The following FAM53A variants were observed in gnomAD, a reference collection of about 807,000 sequenced individuals.
The protein encoded by FAM53A is protein FAM53A.
A neutral mutation model predicts 26.6 loss-of-function variants in FAM53A; 28 were observed. The ratio of observed to expected loss-of-function variants is 1.05; its 90% CI spans 0.78 to 1.45. The LOEUF (loss-of-function observed/expected upper bound fraction) is 1.45, where lower values mean the gene tolerates loss of function less well. Among genes scored for constraint, FAM53A ranks in the 40% most tolerant of loss-of-function variants. The pLI is 0.00. For synonymous variants in FAM53A, 290 were observed against 253.1 expected, an observed-to-expected ratio of 1.15 and a Z score of -1.38; for missense variants, 650 against 575.8, an observed-to-expected ratio of 1.13 and a Z score of -1.32.
downstream of FAM53A, among the ~76,000 whole-genome samples, chr4:1,613,175 C>T (rs1332902374): frequency 6.6e-6 from 1 of 152,236 alleles, no homozygotes; most frequent in Admixed American, 6.5e-5. Flanking sequence ...TGCCTTAGTC[C>T]CGCCCCTGCT....
rs1715573208 is a variant in FAM53A, at chr4:1,630,636, C to T, written c.432-12525G>A. On this transcript the variant is annotated intron_variant, in intron 1 of 1. Transcript: ENST00000489029. This position sits in a 1 kb window ranked among gnomAD's most constrained non-coding sequence, Gnocchi z 4.3. Reference sequence around the variant, plus strand: ...GCCACTCCCAAGACAGGCCAGGAGCCTGCTCTAAACACCATCGTGGAAGCC... The same window carrying T: ...GCCACTCCCAAGACAGGCCAGGAGCTTGCTCTAAACACCATCGTGGAAGCC... 6.6e-6 allele frequency among the ~76,000 whole-genome samples: 1 copy of T among 152,212 alleles called. No individual in the cohort carries two copies. The highest frequency in any genetic ancestry group is 1.5e-5 in the Non-Finnish European group (1 of 68,030).
At chr4:1,638,563 G>C (rs1345720089), downstream of FAM53A, among the ~76,000 whole-genome samples, 2 of 152,168 alleles carry the variant, frequency 1.3e-5, no homozygotes, top group East Asian at 3.9e-4. Flanking sequence ...GGGGAAGGAG[G>C]AGATGAGGTA....
At chr4:1,654,936 G>C (rs1281110436) in intron 4 of FAM53A, 42 bp downstream of exon 4, 1 of 1,493,666 alleles carries the variant, frequency 6.7e-7, no homozygotes, top group Non-Finnish European at 8.9e-7. Context: ...GCCCTGTCCA[G>C]ATCTACGCCC....
the FAM53A span, among the ~76,000 whole-genome samples, chr4:1,601,997 CCGGGGGAGGTAGGA>C: frequency 1.0e-5 from 1 of 98,598 alleles, no homozygotes; most frequent in Non-Finnish European, 2.0e-5. Context: ...TGGAGGTGGG[CCGGGGGAGGTAGGA>C]CGGGGGAGGT....
the FAM53A span, among the ~76,000 whole-genome samples, chr4:1,599,183 G>GC: frequency 6.8e-6 from 1 of 146,852 alleles, no homozygotes; most frequent in African/African-American, 2.6e-5. The surrounding 1 kb of genome is among the most constrained non-coding windows in gnomAD (Gnocchi z 6.1). Context: ...CTCCAACCCC[G>GC]CCCGGGACTT....
Position 1,620,989 on chromosome 4 carries a change from C to A in FAM53A, c.432-2878G>T, listed in dbSNP as rs1044399744. Among the ~76,000 whole-genome samples, 18 of 152,130 alleles carry A rather than the reference C, an allele frequency of 1.2e-4. No homozygotes were observed. The East Asian group carries it at 3.5e-3, about 29-fold the overall frequency. ...TGTGGCTTCCTGCCCAAGGTCACCT[C>A]ATGGTTCAAATGGCTGCCAGAGCCC... On this transcript the variant is annotated intron_variant, in intron 1 of 1. Transcript: ENST00000489029.
the FAM53A span, among the ~76,000 whole-genome samples, chr4:1,606,415 T>C: frequency 0.26 from 39,017 of 151,792 alleles, 5,357 homozygotes; most frequent in East Asian, 0.49. Context: ...CGGTAAGCTC[T>C]TCCCGCCGCG....
At position 1,680,333 on chromosome 4, in the gene FAM53A, A is replaced by AAC. The variant is rs1355722674; in HGVS notation, c.-165+3899_-165+3900insGT. On this transcript the variant is annotated intron_variant, in intron 1 of 4. Coordinates refer to ENST00000308132, the MANE Select transcript of FAM53A (RefSeq NM_001174070.3). Reference sequence around the variant, plus strand: ...AAACTCCGTCTCAAAAAAAAAAAAAAAAAAAAAAAAAACACACCACTACAC... The same window carrying AAC: ...AAACTCCGTCTCAAAAAAAAAAAAAAACAAAAAAAAAAAACACACCACTACAC... Among the ~76,000 whole-genome samples, 101 of 150,320 alleles carry AAC rather than the reference A, an allele frequency of 6.7e-4. 2 individuals are homozygous for AAC. The highest frequency in any genetic ancestry group is 2.5e-3 in the African/African-American group (101 of 40,958).
the FAM53A span, among the ~76,000 whole-genome samples, chr4:1,599,021 T>C: frequency 2.6e-5 from 4 of 152,248 alleles, no homozygotes; most frequent in Admixed American, 2.0e-4. The surrounding 1 kb of genome is among the most constrained non-coding windows in gnomAD (Gnocchi z 6.1). Flanking sequence ...ACCGCGTTCC[T>C]TCCCCGGCCC....
intron 1 of FAM53A, among the ~76,000 whole-genome samples, chr4:1,674,457 C>A (rs142845882): frequency 2.2e-3 from 333 of 152,274 alleles, no homozygotes; most frequent in African/African-American, 7.7e-3. Flanking sequence ...ATCACAAGGT[C>A]AGGAAATCGA....
chr4:1,596,426 C>T, the FAM53A span, among the ~76,000 whole-genome samples: 2 of 126,124 alleles, frequency 1.6e-5, no homozygotes, highest in African/African-American at 6.4e-5. Flanking sequence ...CAAAGGTACC[C>T]TCTTGCCAAG....
chr4:1,587,966 T>C, the FAM53A span, among the ~76,000 whole-genome samples: 1 of 152,234 alleles, frequency 6.6e-6, no homozygotes, highest in Admixed American at 6.5e-5. Flanking sequence ...AAGATGTCCT[T>C]GTATCTTCAT....
At position 1,641,325 on chromosome 4, in the gene FAM53A, C is replaced by A; in HGVS notation, c.1165G>T (p.Glu389Ter). ...EEGVFPRARW[E>*]LDLEQIENN ...TTCTCGATCTGCTCCAGGTCCAGCT[C>A]CCAGCGGGCCCGGGGGAAGACGCCC... is the stretch of plus-strand genomic sequence containing the variant. Residue 389 changes from glutamate to a stop codon, truncating the protein, a stop_gained, in exon 5 of 5, where the codon GAG (glutamate) becomes TAG (stop). Transcript: ENST00000308132. LOFTEE classifies it high-confidence loss of function. The A allele has an allele frequency of 6.2e-7, 1 of 1,612,284 alleles. No individual in the cohort carries two copies. The highest frequency in any genetic ancestry group is 8.5e-7 in the Non-Finnish European group (1 of 1,179,616).
At chr4:1,635,556 G>A (rs916649384), downstream of FAM53A, among the ~76,000 whole-genome samples, 5 of 152,064 alleles carry the variant, frequency 3.3e-5, no homozygotes, top group Non-Finnish European at 5.9e-5. Flanking sequence ...GACTGCAGGC[G>A]CCAGCCACTG....
chr4:1,628,009 C>G (rs1158878613), intron 1 of FAM53A, among the ~76,000 whole-genome samples: 3 of 133,650 alleles, frequency 2.2e-5, no homozygotes, highest in African/African-American at 5.8e-5. Flanking sequence ...GGGGTCAACC[C>G]ACATGCACCT....
In FAM53A at chr4:1,668,679, C is replaced by A; in HGVS notation, c.63G>T (p.Ala21=). ...SQSLDDLTCK[A]EAGPLQYSAE... ...TGCAGCTGCTTACCGGGCCAGCCTC[C>A]GCCTTGCAGGTGAGGTCGTCCAGGC... Residue 21 remains alanine (A), a synonymous_variant, in exon 2 of 5, where the codon GCG becomes GCT. Transcript: ENST00000308132. The A allele has an allele frequency of 6.2e-7, 1 of 1,614,162 alleles. No homozygotes were observed. The highest frequency in any genetic ancestry group is 1.7e-5 in the Admixed American group (1 of 60,032).
the FAM53A span, among the ~76,000 whole-genome samples, chr4:1,578,856 A>G: frequency 8.0e-4 from 22 of 27,642 alleles, no homozygotes; most frequent in African/African-American, 3.8e-3. Flanking sequence ...AGGGGAGAGA[A>G]GAGGGGGAGG....
At chr4:1,682,888 G>GAC (rs536884265) in intron 1 of FAM53A, among the ~76,000 whole-genome samples, 8 of 152,346 alleles carry the variant, frequency 5.3e-5, no homozygotes, top group African/African-American at 1.9e-4. Context: ...GAAACATAAG[G>GAC]ACGCATCCAA....
chr4:1,610,649 G>A, the FAM53A span, among the ~76,000 whole-genome samples: 3 of 151,766 alleles, frequency 2.0e-5, no homozygotes, highest in Admixed American at 1.3e-4. Flanking sequence ...ATTCCGCGAC[G>A]TGGGGGGCGG....
Sources: allele counts gnomAD v4.1 joint callset (sites outside exome capture counted in the v4.1 genomes callset), GRCh38; gene constraint gnomAD v4.1.1; non-coding constraint Gnocchi (gnomAD v3.1); transcripts MANE v1.5; gene names NCBI Gene and HGNC (gene_info 2026-07-23, HGNC 2026-07-21).